The following DRD4 variants were observed in gnomAD, a reference collection of about 807,000 sequenced individuals.
The protein encoded by DRD4 is D(4) dopamine receptor.
DRD4 carries 26 observed loss-of-function variants against 22.1 expected under a neutral mutation model. That is an observed-to-expected ratio of 1.17 (90% CI 0.86 to 1.63). The LOEUF is 1.63. Among genes scored for constraint, DRD4 ranks in the 40% most tolerant of loss-of-function variants. DRD4 has a pLI of 0.00. For missense variants in DRD4, 913 were observed against 632.4 expected, an observed-to-expected ratio of 1.44 and a Z score of -4.76; for synonymous variants, 455 against 306.7, an observed-to-expected ratio of 1.48 and a Z score of -5.05.
chr11:637,471 G>A lies in DRD4; in HGVS notation c.167G>A (p.Cys56Tyr). ...GAVLAGNSLV[C>Y]VSVATERALQ... is the part of the protein sequence containing the mutation. ...GTGCTCGCGGGGAACTCGCTCGTGTGCGTGAGCGTGGCCACCGAGCGCGCC... is the reference window on the plus strand; with the variant it reads ...GTGCTCGCGGGGAACTCGCTCGTGTACGTGAGCGTGGCCACCGAGCGCGCC... Residue 56 changes from cysteine (C) to tyrosine (Y), a missense_variant, in exon 1 of 4, where the codon TGC becomes TAC. Transcript: ENST00000176183. 6.5e-7 allele frequency: 1 copy of A among 1,538,784 alleles called. No individual in the cohort carries two copies. The highest frequency in any genetic ancestry group is 8.7e-7 in the Non-Finnish European group (1 of 1,148,026).
intron 1 of DRD4, among the ~76,000 whole-genome samples, chr11:638,149 C>G (rs1324809713): frequency 3.3e-5 from 5 of 152,182 alleles, no homozygotes; most frequent in Non-Finnish European, 7.3e-5. Context: ...TGCTGAGAAC[C>G]CTGGGGGGAA....
At position 639,450 on chromosome 11, in the gene DRD4, G is replaced by A; in HGVS notation, c.303G>A (p.Trp101Ter). Reference protein sequence around the residue: ...FVYSEVQGGAWLLSPRLCDAL... With the variant: ...FVYSEVQGGA ...CCGCGCAGGTCCAGGGTGGCGCGTG[G>A]CTGCTGAGCCCCCGCCTGTGCGACG... The change falls in exon 2 of 4, where the codon TGG becomes TGA. Residue 101 changes from tryptophan (W) to a stop codon, truncating the protein, a stop_gained. Coordinates refer to ENST00000176183, the MANE Select transcript of DRD4 (RefSeq NM_000797.4). LOFTEE classifies it high-confidence loss of function. The A allele has an allele frequency of 1.3e-6, 2 of 1,596,122 alleles. No homozygotes were observed. Among genetic ancestry groups the A allele is most frequent in the Admixed American group, 3.4e-5 (2 of 59,616 alleles).
At chr11:639,614 G>A (rs1858156699) in intron 2 of DRD4, 34 bp from the exon 3 acceptor site, 2 of 1,383,600 alleles carry the variant, frequency 1.4e-6, no homozygotes, top group South Asian at 1.5e-5. Context: ...CGCGGCCTGT[G>A]CGCTGTCCGG....
chr11:637,549 T>G lies in DRD4; in HGVS notation c.245T>G (p.Leu82Arg), dbSNP rs1377082826. The G allele has an allele frequency of 6.6e-7, 1 of 1,522,300 alleles. No individual in the cohort carries two copies. Among genetic ancestry groups the G allele is most frequent in the Non-Finnish European group, 8.9e-7 (1 of 1,125,352 alleles). The allele number at this position is 1,522,300 out of a possible 1,614,324, so 94.3% of individuals were successfully genotyped here. Residue 82 changes from leucine to arginine, a missense_variant, in exon 1 of 4, where the codon CTC becomes CGC. Physicochemically the swap from Leu to Arg is moderately radical, Grantham distance 102 (BLOSUM62 -2). Transcript: ENST00000176183. ...FIVSLAAADLLLALLVLPLFV... is the reference protein window; with the variant it reads ...FIVSLAAADLRLALLVLPLFV... The stretch of plus-strand genomic sequence containing the variant: ...GTGAGCCTGGCGGCCGCCGACCTCC[T>G]CCTCGCTCTCCTGGTGCTGCCGCTC...
At chr11:638,874 T>G (rs1564912649) in intron 1 of DRD4, among the ~76,000 whole-genome samples, 2 of 152,200 alleles carry the variant, frequency 1.3e-5, no homozygotes, top group Non-Finnish European at 2.9e-5. Flanking sequence ...GGCAGGAGGA[T>G]AGTTTGAGAC....
chr11:639,894 G>C lies in DRD4; in HGVS notation c.645G>C (p.Thr215=), dbSNP rs758096656. ...CPLMLLLYWA[T]FRGLQRWEVA... ...TCATGCTGCTGCTCTACTGGGCCAC[G>C]TTCCGCGGCCTGCAGCGCTGGGAGG... is the stretch of plus-strand genomic sequence containing the variant. The change falls in exon 3 of 4, where the codon ACG becomes ACC. Residue 215 remains threonine (T), a synonymous_variant. Coordinates refer to ENST00000176183, the MANE Select transcript of DRD4 (RefSeq NM_000797.4). The C allele has an allele frequency of 2.5e-6, 4 of 1,577,064 alleles. No individual in the cohort carries two copies. Among genetic ancestry groups the C allele is most frequent in the South Asian group, 1.1e-5 (1 of 88,918 alleles).
chr11:639,042 C>T (rs113431134), intron 1 of DRD4: 77 of 257,636 alleles, frequency 3.0e-4, no homozygotes, highest in African/African-American at 1.5e-3. Flanking sequence ...GAGATCTCAC[C>T]ACTGCACTCC....
chr11:640,698 C>A lies in DRD4; in HGVS notation c.*95C>A. On this transcript the variant is annotated 3_prime_UTR_variant, in exon 4 of 4. Transcript: ENST00000176183. Reference sequence around the variant, plus strand: ...TTTTGTACGTTAATTAAACAAATTCCTTCCCAAACTCAGCTGTGAAGGCTC... The same window carrying A: ...TTTTGTACGTTAATTAAACAAATTCATTCCCAAACTCAGCTGTGAAGGCTC... 1 of 1,439,892 alleles carries A rather than the reference C, an allele frequency of 6.9e-7. No individual in the cohort carries two copies. Among genetic ancestry groups the A allele is most frequent in the Non-Finnish European group, 9.5e-7 (1 of 1,052,572 alleles). 89.2% of individuals were successfully genotyped at this position (1,439,892 alleles called of 1,614,324 possible). A position where few individuals can be genotyped will look rare whatever the true frequency, so the allele number is the denominator to read the frequency against.
rs986548219 is a variant in DRD4, at chr11:640,661, T to C, written c.*58T>C. ...GGCCAGGCCTCAGGGACCAAGGAGATGGGGAGGGCGCTTTTGTACGTTAAT... is the reference window on the plus strand; with the variant it reads ...GGCCAGGCCTCAGGGACCAAGGAGACGGGGAGGGCGCTTTTGTACGTTAAT... On this transcript the variant is annotated 3_prime_UTR_variant, in exon 4 of 4. Coordinates refer to ENST00000176183, the MANE Select transcript of DRD4 (RefSeq NM_000797.4). 2 of 1,580,234 alleles carry C rather than the reference T, an allele frequency of 1.3e-6. No individual in the cohort carries two copies. Among genetic ancestry groups the C allele is most frequent in the African/African-American group, 2.7e-5 (2 of 74,398 alleles).
At chr11:639,606 C>A in intron 2 of DRD4, 42 bp from the exon 3 acceptor site, 1 of 1,320,048 alleles carries the variant, frequency 7.6e-7, no homozygotes, top group Non-Finnish European at 9.6e-7. Flanking sequence ...GCCCTCACCG[C>A]GGCCTGTGCG....
chr11:637,700 C>T (rs1030526573), intron 1 of DRD4, 111 bp downstream of exon 1: 14 of 1,518,878 alleles, frequency 9.2e-6, no homozygotes, highest in Non-Finnish European at 1.1e-5. Flanking sequence ...GAGCTTCCAG[C>T]TGGGGCGGCG....
chr11:637,735 C>T (rs919858786), intron 1 of DRD4, 146 bp downstream of exon 1: 21 of 1,407,426 alleles, frequency 1.5e-5, no homozygotes, highest in Non-Finnish European at 1.9e-5. Context: ...CCTTGTCCCT[C>T]GGCGATACAC....
chr11:639,525 G>C lies in DRD4; in HGVS notation c.378G>C (p.Leu126=), dbSNP rs369672484. ...TGTGCACCGCCTCCATCTTCAACCT[G>C]TGCGCCATCAGCGTGGACAGGTGCG... The part of the protein sequence containing the change: ...VMLCTASIFN[L]CAISVDRFVA... Residue 126 remains leucine (L), a synonymous_variant, in exon 2 of 4, where the codon CTG becomes CTC. Coordinates refer to ENST00000176183, the MANE Select transcript of DRD4 (RefSeq NM_000797.4). 72 of 1,599,686 alleles carry C rather than the reference G, an allele frequency of 4.5e-5. No homozygotes were observed. The African/African-American group carries it at 8.2e-4, about 18-fold the overall frequency.
In DRD4 at chr11:639,974, GCCCGCCTTCCCCCACGCCACCCGCGC is replaced by G; in HGVS notation, c.733_758del (p.Ser245ProfsTer196). The stretch of plus-strand genomic sequence containing the variant: ...GCGCCCCGCCGACCCAGCGGCCCTG[GCCCGCCTTCCCCCACGCCACCCGCGC>G]CCCGCCTCCCCCAGGACCCCTGCGG... On this transcript the variant is annotated frameshift_variant, in exon 3 of 4. Coordinates refer to ENST00000176183, the MANE Select transcript of DRD4 (RefSeq NM_000797.4). LOFTEE classifies it high-confidence loss of function. 7.2e-7 allele frequency: 1 copy of G among 1,398,406 alleles called. No individual in the cohort carries two copies. The highest frequency in any genetic ancestry group is 1.6e-5 in the South Asian group (1 of 62,226). The allele number at this position is 1,398,406 out of a possible 1,614,324, so 86.6% of individuals were successfully genotyped here.
rs1230875227 is a variant in DRD4, at chr11:640,562, T to G, written c.1219T>G (p.Phe407Val). The G allele has an allele frequency of 1.3e-6, 2 of 1,599,728 alleles. No individual in the cohort carries two copies. The highest frequency in any genetic ancestry group is 1.7e-6 in the Non-Finnish European group (2 of 1,179,748). Residue 407 changes from phenylalanine (F) to valine (V), a missense_variant, in exon 4 of 4, where the codon TTC becomes GTC. Transcript: ENST00000176183. ...CATCTACACTGTCTTCAACGCCGAG[T>G]TCCGCAACGTCTTCCGCAAGGCCCT... is the stretch of plus-strand genomic sequence containing the variant. ...PVIYTVFNAE[F>V]RNVFRKALRA...
rs776029919 is a variant in DRD4, at chr11:637,599, G to C, written c.285+10G>C. The C allele has an allele frequency of 3.9e-6, 6 of 1,543,462 alleles. No homozygotes were observed. The highest frequency in any genetic ancestry group is 1.7e-4 in the Middle Eastern group (1 of 5,770). ...CTTCGTCTACTCCGAGGTGAGCCGC[G>C]TCCGGCCGCACGAGCATCCTCACCT... On this transcript the variant is annotated intron_variant, in intron 1 of 3. Transcript: ENST00000176183.
At chr11:637,865 C>A (rs1439491389) in intron 1 of DRD4, among the ~76,000 whole-genome samples, 1 of 152,240 alleles carries the variant, frequency 6.6e-6, no homozygotes, top group Non-Finnish European at 1.5e-5. Flanking sequence ...GTCCTTCTAT[C>A]CAGGGACCCC....
In DRD4 at chr11:637,591, T is replaced by A; in HGVS notation, c.285+2T>A. 1 of 1,546,158 alleles carries A rather than the reference T, an allele frequency of 6.5e-7. No homozygotes were observed. The highest frequency in any genetic ancestry group is 8.7e-7 in the Non-Finnish European group (1 of 1,149,632). ...CTGCCGCTCTTCGTCTACTCCGAGG[T>A]GAGCCGCGTCCGGCCGCACGAGCAT... On this transcript the variant is annotated splice_donor_variant, in intron 1 of 3. Transcript: ENST00000176183. LOFTEE classifies it high-confidence loss of function.
rs751708526 is a variant in DRD4, at chr11:639,754, C to T, written c.505C>T (p.Pro169Ser). Residue 169 changes from proline to serine, a missense_variant, in exon 3 of 4, where the codon CCC (proline) becomes TCC (serine). Pro to Ser is a moderately conservative substitution (Grantham distance 74). Coordinates refer to ENST00000176183, the MANE Select transcript of DRD4 (RefSeq NM_000797.4). ...TWLLSAAVAA[P>S]VLCGLNDVRG... ...GCTGCTGTCCGCGGCGGTGGCGGCG[C>T]CCGTACTGTGCGGCCTCAACGACGT... 3.2e-6 allele frequency: 5 copies of T among 1,559,214 alleles called. No individual in the cohort carries two copies. Among genetic ancestry groups the T allele is most frequent in the Non-Finnish European group, 4.3e-6 (5 of 1,162,616 alleles).
Sources: gnomAD v4.1 joint callset for allele counts (sites outside exome capture counted in the v4.1 genomes callset) on GRCh38, gnomAD v4.1.1 for gene constraint, MANE v1.5 for transcripts, NCBI Gene and HGNC (gene_info 2026-07-23, HGNC 2026-07-21) for gene names.